DNAI4: variants seen among roughly 807,000 people sequenced by gnomAD.
DNAI4 encodes dynein axonemal intermediate chain 4.
DNAI4 carries 85 observed loss-of-function variants against 105.8 expected under a neutral mutation model. The ratio of observed to expected loss-of-function variants is 0.80; its 90% CI spans 0.67 to 0.96. The LOEUF is 0.96. Ranked by LOEUF, DNAI4 falls within the 40% of genes least tolerant of loss-of-function variation. DNAI4 has a pLI of 0.00. For synonymous variants in DNAI4, 352 were observed against 331.5 expected (o/e 1.06, Z -0.67); for missense variants, 1,014 against 1,005.6 (o/e 1.01, Z -0.11).
intron 7 of DNAI4, among the ~76,000 whole-genome samples, chr1:66,854,264 A>AC (rs533116784): frequency 6.6e-6 from 1 of 152,062 alleles, no homozygotes; most frequent in Non-Finnish European, 1.5e-5. Context: ...GGTGGTAAAC[A>AC]CCTGTAGTCC....
chr1:66,917,393 A>T (rs1162938940), intron 1 of DNAI4, among the ~76,000 whole-genome samples: 1 of 152,170 alleles, frequency 6.6e-6, no homozygotes, highest in South Asian at 2.1e-4. Context: ...ATAATCAACT[A>T]TGGAACTCAA....
chr1:66,815,761 G>A (rs1040682497), intron 16 of DNAI4, among the ~76,000 whole-genome samples: 1 of 152,132 alleles, frequency 6.6e-6, no homozygotes, highest in African/African-American at 2.4e-5. Flanking sequence ...AAGAGCTGGT[G>A]CCTCCCCAGT....
intron 5 of DNAI4, among the ~76,000 whole-genome samples, chr1:66,871,748 C>T (rs1015344459): frequency 1.3e-5 from 2 of 152,194 alleles, no homozygotes; most frequent in Non-Finnish European, 2.9e-5. Context: ...CAATAACATG[C>T]TAGTACTAAC....
chr1:66,884,721 T>TA (rs1647156422), intron 4 of DNAI4, among the ~76,000 whole-genome samples: 1 of 152,218 alleles, frequency 6.6e-6, no homozygotes, highest in Admixed American at 6.5e-5. Flanking sequence ...ATCAGGGTGA[T>TA]GCTGGCCTTG....
At chr1:66,860,767 T>C (rs192349237) in intron 7 of DNAI4, 5 of 152,272 alleles carry the variant, frequency 3.3e-5, no homozygotes, top group Admixed American at 3.3e-4. Context: ...CGATCTAATA[T>C]AAAGTCCCAG....
In DNAI4 at chr1:66,840,517, T is replaced by TCA. The variant is rs1448296934; in HGVS notation, c.1445_1446insTG (p.Leu482PhefsTer8). On this transcript the variant is annotated frameshift_variant, in exon 9 of 17. Coordinates refer to ENST00000371026, the MANE Select transcript of DNAI4 (RefSeq NM_024763.5). LOFTEE classifies it high-confidence loss of function. ...GGCTGCTCACATTGAGGCCTTTGGT[T>TCA]AAGTCACAGGAAAAAGACCAAAGTC... is the stretch of plus-strand genomic sequence containing the variant. The TCA allele has an allele frequency of 6.2e-7, 1 of 1,614,248 alleles. No homozygotes were observed. The highest frequency in any genetic ancestry group is 8.5e-7 in the Non-Finnish European group (1 of 1,180,044).
chr1:66,822,499 C>A lies in DNAI4; in HGVS notation c.2358G>T (p.Val786=), dbSNP rs1458096182. The change falls in exon 16 of 17, where the codon GTG becomes GTT. Residue 786 remains valine (V), a synonymous_variant. Transcript: ENST00000371026. The part of the protein sequence containing the change: ...LHISTLDPLI[V]NTANPGIKFT... The stretch of plus-strand genomic sequence containing the variant: ...ACTTGATTCCAGGGTTAGCAGTATT[C>A]ACAATCAGAGGGTCCAAACTGTAAT... 12 of 1,608,852 alleles carry A rather than the reference C, an allele frequency of 7.5e-6. No individual in the cohort carries two copies. Among genetic ancestry groups the A allele is most frequent in the Non-Finnish European group, 9.3e-6 (11 of 1,178,020 alleles).
chr1:66,851,929 G>A (rs919483209), intron 7 of DNAI4, among the ~76,000 whole-genome samples: 7 of 151,156 alleles, frequency 4.6e-5, no homozygotes, highest in African/African-American at 1.5e-4. Flanking sequence ...AAATAGAAGA[G>A]AAGTAAATGA....
At chr1:66,837,687 C>T in intron 10 of DNAI4, 23 bp downstream of exon 10, 1 of 1,591,020 alleles carries the variant, frequency 6.3e-7, no homozygotes, top group Non-Finnish European at 8.6e-7. Flanking sequence ...GATAAAAATG[C>T]TTCTTATTCT....
chr1:66,815,500 A>G (rs1185414243), intron 16 of DNAI4, among the ~76,000 whole-genome samples: 1 of 152,204 alleles, frequency 6.6e-6, no homozygotes, highest in African/African-American at 2.4e-5. Context: ...TGAATATTTC[A>G]GTTATCTTTT....
chr1:66,903,165 T>C (rs1648964839), intron 2 of DNAI4, among the ~76,000 whole-genome samples: 1 of 152,206 alleles, frequency 6.6e-6, no homozygotes, highest in Non-Finnish European at 1.5e-5. Flanking sequence ...CGCCTTCCAA[T>C]CTATGAACAA....
At chr1:66,874,321 A>C (rs536488790) in intron 5 of DNAI4, among the ~76,000 whole-genome samples, 7 of 152,220 alleles carry the variant, frequency 4.6e-5, no homozygotes, top group African/African-American at 1.7e-4. Context: ...TAATATAGTA[A>C]ATTCATTTAT....
intron 6 of DNAI4, among the ~76,000 whole-genome samples, chr1:66,863,119 G>C (rs1443809320): frequency 9.2e-5 from 14 of 152,158 alleles, no homozygotes; most frequent in African/African-American, 3.4e-4. Flanking sequence ...ATATAACAAT[G>C]GTTTGCAAAC....
rs145547207 is a variant in DNAI4 at position 66,893,711 on chromosome 1, T to A, written c.346-298A>T. ...TCCAGATTGTTAGTATTTTGGTGCA[T>A]GTAAATTGTATGTACACATTTTAAA... On this transcript the variant is annotated intron_variant, in intron 2 of 16. Transcript: ENST00000371026. 1.4e-3 allele frequency among the ~76,000 whole-genome samples: 218 copies of A among 152,310 alleles called. 1 individual carries two copies. The highest frequency in any genetic ancestry group is 3.4e-3 in the Middle Eastern group (1 of 292).
chr1:66,821,612 TAGTG>T (rs1244213186), intron 16 of DNAI4, among the ~76,000 whole-genome samples: 1 of 152,174 alleles, frequency 6.6e-6, no homozygotes, highest in Non-Finnish European at 1.5e-5. Flanking sequence ...TTTAAATTAT[TAGTG>T]AGGTTGGATT....
intron 8 of DNAI4, among the ~76,000 whole-genome samples, chr1:66,846,210 T>C (rs994769897): frequency 3.3e-5 from 5 of 152,300 alleles, no homozygotes; most frequent in Admixed American, 1.3e-4. Flanking sequence ...AATCTATATA[T>C]ATAAGTGATA....
chr1:66,848,533 T>C (rs1236935097), intron 7 of DNAI4, among the ~76,000 whole-genome samples: 1 of 152,218 alleles, frequency 6.6e-6, no homozygotes, highest in Non-Finnish European at 1.5e-5. Context: ...ACTCTTATTT[T>C]AAAAACAGAA....
chr1:66,877,188 C>T (rs137929922), intron 4 of DNAI4, among the ~76,000 whole-genome samples: 2 of 152,266 alleles, frequency 1.3e-5, no homozygotes, highest in African/African-American at 4.8e-5. Flanking sequence ...AATACAATTA[C>T]AGCATAATTG....
chr1:66,857,361 A>T (rs1339287287), intron 7 of DNAI4, among the ~76,000 whole-genome samples: 1 of 149,884 alleles, frequency 6.7e-6, no homozygotes, highest in Non-Finnish European at 1.5e-5. Context: ...GGGGAGGGAT[A>T]GTATTAGGAG....
Sources: gnomAD v4.1 joint callset for allele counts (sites outside exome capture counted in the v4.1 genomes callset) on GRCh38, gnomAD v4.1.1 for gene constraint, MANE v1.5 for transcripts, NCBI Gene and HGNC (gene_info 2026-07-23, HGNC 2026-07-21) for gene names.